Variants in PSME4 observed in about 807,000 individuals in gnomAD.
The protein encoded by PSME4 is proteasome activator complex subunit 4.
Under a neutral mutation model 253.9 loss-of-function variants are expected in PSME4, and 89 were observed. That is an observed-to-expected ratio of 0.35 (90% CI 0.30 to 0.42). The LOEUF (loss-of-function observed/expected upper bound fraction) is 0.42, where lower values mean the gene tolerates loss of function less well. Among genes scored for constraint, PSME4 ranks in the 10% least tolerant of loss-of-function variants. The probability of loss-of-function intolerance (pLI) is 1.00; values close to 1 mark genes in which losing one functional copy is unlikely to be tolerated. For synonymous variants in PSME4, 851 were observed against 759.2 expected (o/e 1.12, Z -1.99); for missense variants, 2,014 against 2,195.2 (o/e 0.92, Z 1.65).
At chr2:53,908,076 C>T (rs1354952892) in intron 24 of PSME4, 1 of 443,406 alleles carries the variant, frequency 2.3e-6, no homozygotes, top group Non-Finnish European at 4.0e-6. Flanking sequence ...TGCTATTGTC[C>T]AAATTCCCAT....
At chr2:53,942,684 G>C (rs1404511677) in intron 3 of PSME4, among the ~76,000 whole-genome samples, 1 of 152,044 alleles carries the variant, frequency 6.6e-6, no homozygotes, top group Non-Finnish European at 1.5e-5. Context: ...GATAATAAAT[G>C]TTAATTATTA....
chr2:53,894,931 G>T, intron 34 of PSME4, 76 bp downstream of exon 34: 1 of 1,253,030 alleles, frequency 8.0e-7, no homozygotes. Flanking sequence ...AGAAGAAGAA[G>T]AACTGAAGTG....
At chr2:53,947,704 T>TCAAAA (rs72500278) in intron 3 of PSME4, among the ~76,000 whole-genome samples, 7 of 148,614 alleles carry the variant, frequency 4.7e-5, no homozygotes, top group Admixed American at 4.0e-4. Context: ...AGACTCCATC[T>TCAAAA]CAAAACAAAA....
intron 20 of PSME4, among the ~76,000 whole-genome samples, chr2:53,910,407 G>A (rs527784345): frequency 4.8e-4 from 73 of 152,220 alleles, no homozygotes; most frequent in Middle Eastern, 3.4e-3. Flanking sequence ...AAATGTAAAA[G>A]ATTAAATATG....
Position 53,934,692 on chromosome 2 carries a change from T to C in PSME4, c.870A>G (p.Pro290=). ...GGACTAACACTTGACTGCTTCCCAC[T>C]GGGAGGTTCAAGCTTCTCAGAATTC... ...FTRILRSLNL[P]VGSSQVLVPR... Residue 290 remains proline (P), a synonymous_variant, in exon 8 of 47, where the codon CCA becomes CCG. Coordinates refer to ENST00000404125, the MANE Select transcript of PSME4 (RefSeq NM_014614.3). The C allele has an allele frequency of 1.2e-6, 2 of 1,603,430 alleles. No homozygotes were observed. Among genetic ancestry groups the C allele is most frequent in the Non-Finnish European group, 1.7e-6 (2 of 1,170,688 alleles).
intron 37 of PSME4, among the ~76,000 whole-genome samples, chr2:53,889,253 G>A (rs1045147926): frequency 6.6e-6 from 1 of 152,082 alleles, no homozygotes; most frequent in Non-Finnish European, 1.5e-5. Flanking sequence ...AACTCCCTTA[G>A]GATACCAAAA....
chr2:53,908,088 G>C (rs1667651843), intron 24 of PSME4: 1 of 462,336 alleles, frequency 2.2e-6, no homozygotes, highest in African/African-American at 2.0e-5. Context: ...AATTCCCATT[G>C]AGAGTTTAGA....
At chr2:53,884,269 A>T (rs910925358) in intron 41 of PSME4, among the ~76,000 whole-genome samples, 1 of 151,206 alleles carries the variant, frequency 6.6e-6, no homozygotes, top group Non-Finnish European at 1.5e-5. Flanking sequence ...GGAATGCAGT[A>T]GCACGATCTC....
At chr2:53,947,276 G>T (rs559222353) in intron 3 of PSME4, among the ~76,000 whole-genome samples, 1 of 152,242 alleles carries the variant, frequency 6.6e-6, no homozygotes, top group South Asian at 2.1e-4. Context: ...TAGATTAAAT[G>T]AATTTAACAA....
intron 43 of PSME4, among the ~76,000 whole-genome samples, chr2:53,874,094 T>G (rs1057199084): frequency 6.6e-6 from 1 of 152,176 alleles, no homozygotes; most frequent in Admixed American, 6.5e-5. Context: ...CCTGAATAGC[T>G]GGGATCACAG....
chr2:53,885,691 T>A lies in PSME4; in HGVS notation c.4814A>T (p.Lys1605Met). Residue 1605 changes from lysine to methionine, a missense_variant and splice_region_variant, in exon 41 of 47, where the codon AAG becomes ATG. By Grantham distance (95) the Lys-to-Met change is moderately conservative. Transcript: ENST00000404125. ...TTCTTAATTTCAGCAAAACCTTACC[T>A]TGAAAAACAAAGGTAGAAGCTGAAG... ...EQLQLLPLFF[K>M]IAPVENDNSY... The A allele has an allele frequency of 6.2e-7, 1 of 1,608,208 alleles. No homozygotes were observed. The highest frequency in any genetic ancestry group is 8.5e-7 in the Non-Finnish European group (1 of 1,175,060).
chr2:53,916,937 A>G (rs1668087865), intron 20 of PSME4, among the ~76,000 whole-genome samples: 1 of 151,944 alleles, frequency 6.6e-6, no homozygotes, highest in Admixed American at 6.6e-5. Context: ...TTTATTCTTA[A>G]TTTTACTTTA....
At position 53,866,215 on chromosome 2, in the gene PSME4, T is replaced by TA; in HGVS notation, c.5405dup (p.Thr1805AsnfsTer11). On this transcript the variant is annotated frameshift_variant, in exon 46 of 47. Transcript: ENST00000404125. LOFTEE classifies it high-confidence loss of function. ...TTCGGAAATTGGATAAGGTTTTTTT[T>TA]ACAGTCATCTGTAAAGTAGACAACC... is the stretch of plus-strand genomic sequence containing the variant. The TA allele has an allele frequency of 6.2e-7, 1 of 1,614,068 alleles. No homozygotes were observed. Among genetic ancestry groups the TA allele is most frequent in the Non-Finnish European group, 8.5e-7 (1 of 1,179,952 alleles).
chr2:53,880,540 A>C (rs185589755), intron 41 of PSME4, among the ~76,000 whole-genome samples: 2 of 152,362 alleles, frequency 1.3e-5, no homozygotes, highest in African/African-American at 4.8e-5. Context: ...AGGTTCCATC[A>C]ACAGAAAACT....
chr2:53,902,185 CACA>C (rs1404295911), intron 27 of PSME4, among the ~76,000 whole-genome samples: 1 of 152,132 alleles, frequency 6.6e-6, no homozygotes, highest in Admixed American at 6.5e-5. Context: ...TCATAAAAAC[CACA>C]ACATGTGTCA....
chr2:53,944,880 A>G (rs977376698), intron 3 of PSME4, among the ~76,000 whole-genome samples: 24 of 152,238 alleles, frequency 1.6e-4, no homozygotes, highest in Non-Finnish European at 1.5e-5. Context: ...GAAAAATAAA[A>G]TATCAAATTG....
chr2:53,961,536 G>C (rs1452762414), intron 1 of PSME4, among the ~76,000 whole-genome samples: 1 of 152,028 alleles, frequency 6.6e-6, no homozygotes, highest in East Asian at 1.9e-4. Context: ...AACCTAGCTG[G>C]GTGTGCTGAT....
intron 9 of PSME4, 51 bp from the exon 10 acceptor site, chr2:53,932,151 G>C: frequency 1.4e-5 from 22 of 1,523,884 alleles, no homozygotes; most frequent in Non-Finnish European, 2.0e-5. Context: ...TTGCCGCATA[G>C]ACATTCATGG....
chr2:53,899,615 C>T (rs925909397), intron 29 of PSME4, among the ~76,000 whole-genome samples: 4 of 151,558 alleles, frequency 2.6e-5, no homozygotes, highest in African/African-American at 7.3e-5. Flanking sequence ...GCCAGGAGTT[C>T]GAGACCCGCC....
Sources: allele counts gnomAD v4.1 joint callset (sites outside exome capture counted in the v4.1 genomes callset), GRCh38; gene constraint gnomAD v4.1.1; transcripts MANE v1.5; gene names NCBI Gene and HGNC (gene_info 2026-07-23, HGNC 2026-07-21).